Variants in SBNO1 observed in about 807,000 individuals in gnomAD.
SBNO1 encodes strawberry notch homolog 1.
A neutral mutation model predicts 173.6 loss-of-function variants in SBNO1; 23 were observed. The ratio of observed to expected loss-of-function variants is 0.13; its 90% CI spans 0.10 to 0.19. The LOEUF (loss-of-function observed/expected upper bound fraction) is 0.19. Among genes scored for constraint, SBNO1 ranks in the 10% least tolerant of loss-of-function variants. The pLI is 1.00. For missense variants in SBNO1, 1,238 were observed against 1,671.2 expected (o/e 0.74, Z 4.52); for synonymous variants, 632 against 571.5 (o/e 1.11, Z -1.51).
At chr12:123,328,965 A>G (rs1870879391) in intron 9 of SBNO1, 70 bp from the exon 10 acceptor site, 1 of 911,640 alleles carries the variant, frequency 1.1e-6, no homozygotes, top group Admixed American at 2.8e-5. Context: ...TCCCAACTAA[A>G]CATTCACAAG....
chr12:123,362,458 A>T (rs1034456197), intron 1 of SBNO1, among the ~76,000 whole-genome samples: 1 of 145,242 alleles, frequency 6.9e-6, no homozygotes, highest in African/African-American at 2.5e-5. Context: ...AAAAAAAAAA[A>T]AAAAAAAAAA....
chr12:123,345,768 C>G (rs1873053132), intron 3 of SBNO1, among the ~76,000 whole-genome samples, 198 bp from the exon 4 acceptor site: 1 of 151,980 alleles, frequency 6.6e-6, no homozygotes, highest in Non-Finnish European at 1.5e-5. Flanking sequence ...CAACTGGGCT[C>G]AAGTGATTCT....
chr12:123,303,415 G>A (rs2048841418), intron 29 of SBNO1, among the ~76,000 whole-genome samples: 1 of 152,140 alleles, frequency 6.6e-6, no homozygotes, highest in Non-Finnish European at 1.5e-5. Flanking sequence ...GGAGGCTGAG[G>A]CGGGTGGATC....
In SBNO1 at chr12:123,345,585, A is replaced by G. The variant is rs747906512; in HGVS notation, c.238-15T>C. 7.5e-6 allele frequency: 12 copies of G among 1,603,932 alleles called. No individual in the cohort carries two copies. Among genetic ancestry groups the G allele is most frequent in the Non-Finnish European group, 7.7e-6 (9 of 1,172,460 alleles). On this transcript the variant is annotated splice_polypyrimidine_tract_variant and intron_variant, in intron 3 of 31. Transcript: ENST00000602398. ...GGAGGCTGCTGCTAGATAGAAAACA[A>G]AAAACACACCACTGAAAAATGCTTC...
chr12:123,362,307 G>C (rs1220397316), intron 1 of SBNO1, among the ~76,000 whole-genome samples: 1 of 151,398 alleles, frequency 6.6e-6, no homozygotes, highest in Non-Finnish European at 1.5e-5. Flanking sequence ...GTGGCAGCGG[G>C]CACCTGTAAT....
chr12:123,322,561 A>G (rs1197969483), intron 16 of SBNO1, among the ~76,000 whole-genome samples: 1 of 151,996 alleles, frequency 6.6e-6, no homozygotes, highest in African/African-American at 2.4e-5. Flanking sequence ...ACTCCCAAAA[A>G]GCTGGGATTA....
At chr12:123,328,161 C>T in intron 10 of SBNO1, 134 bp from the exon 11 acceptor site, 1 of 614,908 alleles carries the variant, frequency 1.6e-6, no homozygotes, top group East Asian at 2.8e-5. Context: ...AAAGGAAGTC[C>T]TATGGGCCTT....
At chr12:123,337,651 T>TA (rs1173938153) in intron 5 of SBNO1, among the ~76,000 whole-genome samples, 1 of 152,124 alleles carries the variant, frequency 6.6e-6, no homozygotes. Context: ...TATGCTAAAA[T>TA]AAAACTCAAT....
At chr12:123,350,809 G>C (rs1218465531) in intron 1 of SBNO1, among the ~76,000 whole-genome samples, 1 of 152,154 alleles carries the variant, frequency 6.6e-6, no homozygotes, top group East Asian at 1.9e-4. Flanking sequence ...TCAAAACATA[G>C]AGGTATGAAA....
rs1293927085 is a variant in SBNO1, at chr12:123,292,804, T to C, written c.*3104A>G. On this transcript the variant is annotated 3_prime_UTR_variant, in exon 32 of 32. Coordinates refer to ENST00000602398, the MANE Select transcript of SBNO1 (RefSeq NM_001167856.3). ...AAGATACTGAAGTGTCTAACTGTAA[T>C]TTAGCAGCAGAAAAAGAAAACTGCT... The C allele has an allele frequency of 6.6e-6, 1 of 152,252 alleles. No homozygotes were observed. Among genetic ancestry groups the C allele is most frequent in the Admixed American group, 6.5e-5 (1 of 15,284 alleles). The allele number at this position is 152,252 out of a possible 1,614,324, so 9.4% of individuals were successfully genotyped here. A position where few individuals can be genotyped will look rare whatever the true frequency, so the allele number is the denominator to read the frequency against.
At chr12:123,325,021 G>A (rs575851133) in intron 15 of SBNO1, among the ~76,000 whole-genome samples, 79 of 152,156 alleles carry the variant, frequency 5.2e-4, no homozygotes, top group African/African-American at 1.8e-3. Flanking sequence ...ATTTTGGCCA[G>A]GCTGGTCTCA....
chr12:123,359,684 T>C (rs543120105), intron 1 of SBNO1, among the ~76,000 whole-genome samples: 42 of 152,272 alleles, frequency 2.8e-4, no homozygotes, highest in African/African-American at 1.0e-3. Context: ...ATATATTGCC[T>C]CCCAATAAAT....
rs2138856414 is a variant in SBNO1, at chr12:123,294,952, C to T, written c.*956G>A. 1 of 152,298 alleles carries T rather than the reference C, an allele frequency of 6.6e-6. No homozygotes were observed. The highest frequency in any genetic ancestry group is 2.1e-4 in the South Asian group (1 of 4,830). The allele number at this position is 152,298 out of a possible 1,614,324, so 9.4% of individuals were successfully genotyped here. A position where few individuals can be genotyped will look rare whatever the true frequency, so the allele number is the denominator to read the frequency against. ...ATTGTCTACAACTCAGGTATGGTTTCCTTTTTATGAGTGACAAAGCAAATT... is the reference window on the plus strand; with the variant it reads ...ATTGTCTACAACTCAGGTATGGTTTTCTTTTTATGAGTGACAAAGCAAATT... On this transcript the variant is annotated 3_prime_UTR_variant, in exon 32 of 32. Coordinates refer to ENST00000602398, the MANE Select transcript of SBNO1 (RefSeq NM_001167856.3).
chr12:123,294,637 AAAAAAAAAAAAAAAAAAAAAAAAAG>A lies in SBNO1; in HGVS notation c.*1246_*1270del, dbSNP rs2048562162. The A allele has an allele frequency of 4.1e-5, 1 of 24,402 alleles. No homozygotes were observed. The highest frequency in any genetic ancestry group is 8.3e-5 in the African/African-American group (1 of 12,114). 1.5% of individuals were successfully genotyped at this position (24,402 alleles called of 1,614,324 possible). ...TCAATAGTGCAACCTGTGGAAGCAAAAAAAAAAAAAAAAAAAAAAAAAAAGAAAAAAAGAAAAGAAAGAAAAAGAA... is the reference window on the plus strand; with the variant it reads ...TCAATAGTGCAACCTGTGGAAGCAAAAAAAAAAGAAAAGAAAGAAAAAGAA... On this transcript the variant is annotated 3_prime_UTR_variant, in exon 32 of 32. Transcript: ENST00000602398.
chr12:123,343,242 T>A (rs7969718), intron 4 of SBNO1, among the ~76,000 whole-genome samples: 195 of 152,030 alleles, frequency 1.3e-3, no homozygotes, highest in African/African-American at 4.5e-3. Flanking sequence ...CACAAAAAAA[T>A]AAAAAATAAA....
intron 20 of SBNO1, among the ~76,000 whole-genome samples, chr12:123,319,413 C>T (rs1229901122): frequency 6.6e-6 from 1 of 152,046 alleles, no homozygotes; most frequent in East Asian, 1.9e-4. Context: ...TGAGTAAAGG[C>T]AATTACTAAA....
At chr12:123,311,329 G>A (rs1318812766) in intron 24 of SBNO1, among the ~76,000 whole-genome samples, 200 bp from the exon 25 acceptor site, 1 of 152,182 alleles carries the variant, frequency 6.6e-6, no homozygotes, top group Non-Finnish European at 1.5e-5. Flanking sequence ...AGAATGGAAG[G>A]AGGGTTAAGG....
intron 3 of SBNO1, 45 bp from the exon 4 acceptor site, chr12:123,345,615 T>C (rs1489646252): frequency 6.8e-7 from 1 of 1,478,686 alleles, no homozygotes; most frequent in Non-Finnish European, 9.3e-7. Context: ...TGCTTCATTC[T>C]CTAATGAAGC....
In SBNO1 at chr12:123,331,231, TA is replaced by T. The variant is rs1276315843; in HGVS notation, c.1043+10del. ...CTGCGCCTGGCCCACAGCCAGTTTT[TA>T]AACACTTACCACAATGCTCGTTTTC... On this transcript the variant is annotated intron_variant, in intron 8 of 31. Transcript: ENST00000602398. 6.2e-7 allele frequency: 1 copy of T among 1,613,394 alleles called. No homozygotes were observed. The highest frequency in any genetic ancestry group is 8.5e-7 in the Non-Finnish European group (1 of 1,179,584).
Sources: gnomAD v4.1 joint callset for allele counts (sites outside exome capture counted in the v4.1 genomes callset) on GRCh38, gnomAD v4.1.1 for gene constraint, MANE v1.5 for transcripts, NCBI Gene and HGNC (gene_info 2026-07-23, HGNC 2026-07-21) for gene names.